The following SLCO5A1 variants were observed in gnomAD, a reference collection of about 807,000 sequenced individuals.
The protein encoded by SLCO5A1 is solute carrier organic anion transporter family member 5A1.
SLCO5A1 carries 39 observed loss-of-function variants against 65.1 expected under a neutral mutation model. That is an observed-to-expected ratio of 0.60 (90% CI 0.46 to 0.78). The LOEUF is 0.78. Among genes scored for constraint, SLCO5A1 ranks in the 30% least tolerant of loss-of-function variants. SLCO5A1 has a pLI of 0.00. For missense variants in SLCO5A1, 1,029 were observed against 1,069.4 expected (o/e 0.96, Z 0.53); for synonymous variants, 438 against 415.7 (o/e 1.05, Z -0.65).
intron 6 of SLCO5A1, among the ~76,000 whole-genome samples, chr8:69,685,508 G>A (rs1212405277): frequency 6.6e-6 from 1 of 152,212 alleles, no homozygotes; most frequent in Non-Finnish European, 1.5e-5. Context: ...TAGTCCTCCA[G>A]ATAAGAGAAT....
intron 2 of SLCO5A1, among the ~76,000 whole-genome samples, chr8:69,792,301 T>A (rs1586805026): frequency 2.0e-5 from 3 of 152,084 alleles, no homozygotes; most frequent in Non-Finnish European, 2.9e-5. Flanking sequence ...GGCAAGATCT[T>A]GAAGGACAAG....
At chr8:69,730,841 G>A (rs868099594) in intron 5 of SLCO5A1, among the ~76,000 whole-genome samples, 1 of 152,192 alleles carries the variant, frequency 6.6e-6, no homozygotes, top group Non-Finnish European at 1.5e-5. Context: ...AAGACCCCTG[G>A]AGAGCTCGGC....
At chr8:69,773,698 G>C (rs1818440526) in intron 2 of SLCO5A1, among the ~76,000 whole-genome samples, 1 of 152,108 alleles carries the variant, frequency 6.6e-6, no homozygotes. Flanking sequence ...ATTTTCCTTT[G>C]GGGGTCACCC....
chr8:69,829,316 G>A (rs1464309571), intron 2 of SLCO5A1, among the ~76,000 whole-genome samples: 1 of 152,154 alleles, frequency 6.6e-6, no homozygotes, highest in Non-Finnish European at 1.5e-5. Context: ...ATGAGGAAAT[G>A]ATCAGATACA....
chr8:69,767,850 A>T (rs1324027402), intron 2 of SLCO5A1, among the ~76,000 whole-genome samples: 3 of 134,780 alleles, frequency 2.2e-5, no homozygotes, highest in Non-Finnish European at 4.7e-5. Flanking sequence ...AGATTGTGCC[A>T]TTGCAGTCCA....
At chr8:69,787,824 G>T (rs761597169) in intron 2 of SLCO5A1, among the ~76,000 whole-genome samples, 5 of 152,140 alleles carry the variant, frequency 3.3e-5, no homozygotes, top group Non-Finnish European at 7.4e-5. Context: ...CCAGGCACTA[G>T]CTATACATGA....
rs61460420 is a variant in SLCO5A1, at chr8:69,799,145, A to G, written c.907+32622T>C. ...GAGATTTGTGTGTGTTTGTTTAATA[A>G]TAACCTGTTTCAAGTCTGAGTTTTG... On this transcript the variant is annotated intron_variant, in intron 2 of 9. Transcript: ENST00000260126. Among the ~76,000 whole-genome samples the G allele has an allele frequency of 2.1e-3, 319 of 152,346 alleles. 2 individuals are homozygous for G. The highest frequency in any genetic ancestry group is 7.4e-3 in the African/African-American group (307 of 41,580).
intron 2 of SLCO5A1, among the ~76,000 whole-genome samples, chr8:69,807,525 C>T (rs1187058713): frequency 6.6e-6 from 1 of 152,156 alleles, no homozygotes; most frequent in Non-Finnish European, 1.5e-5. Flanking sequence ...GGCCCTCTCC[C>T]GCACAGCCTC....
intron 6 of SLCO5A1, among the ~76,000 whole-genome samples, chr8:69,684,964 G>A (rs565328721): frequency 6.6e-6 from 1 of 152,298 alleles, no homozygotes; most frequent in Admixed American, 6.5e-5. Flanking sequence ...GTTCAAGGAG[G>A]CAAAAAGCTT....
At chr8:69,791,000 A>G (rs1048286981) in intron 2 of SLCO5A1, among the ~76,000 whole-genome samples, 1 of 152,178 alleles carries the variant, frequency 6.6e-6, no homozygotes, top group East Asian at 1.9e-4. Flanking sequence ...ATTCCCTTCC[A>G]ATGTTACTTA....
chr8:69,718,818 A>G (rs755315291), intron 5 of SLCO5A1, among the ~76,000 whole-genome samples: 11 of 152,242 alleles, frequency 7.2e-5, no homozygotes, highest in Non-Finnish European at 1.3e-4. Flanking sequence ...TGGGAAACAG[A>G]CAAACCAATA....
chr8:69,832,005 C>G lies in SLCO5A1; in HGVS notation c.669G>C (p.Gln223His). The change falls in exon 2 of 10, where the codon CAG becomes CAC. Residue 223 changes from glutamine to histidine, a missense_variant. Gln to His is a conservative substitution (Grantham distance 24). This residue lies in a region of SLCO5A1 where 647 missense variants were observed against 647.5 expected (regional missense o/e 1.00). Coordinates refer to ENST00000260126, the MANE Select transcript of SLCO5A1 (RefSeq NM_030958.3). The surrounding 1 kb of genome is among the most constrained non-coding windows in gnomAD (Gnocchi z 4.5). The stretch of plus-strand genomic sequence containing the variant: ...GGGCCGAGGCGTTCAACTCTTGGAT[C>G]TGGTAGGGGGGCGAGATGAAGTGAG... Reference protein sequence around the residue: ...ALPHFISPPYQIQELNASAPN... With the variant: ...ALPHFISPPYHIQELNASAPN... 6.3e-7 allele frequency: 1 copy of G among 1,598,250 alleles called. No homozygotes were observed. The highest frequency in any genetic ancestry group is 8.5e-7 in the Non-Finnish European group (1 of 1,172,786).
chr8:69,811,077 T>C (rs375369589), intron 2 of SLCO5A1, among the ~76,000 whole-genome samples: 3 of 152,140 alleles, frequency 2.0e-5, no homozygotes, highest in African/African-American at 7.2e-5. Flanking sequence ...TGAGCCAACG[T>C]CTCAGCAGGC....
chr8:69,807,628 G>A (rs533084593), intron 2 of SLCO5A1, among the ~76,000 whole-genome samples: 1 of 152,216 alleles, frequency 6.6e-6, no homozygotes, highest in East Asian at 1.9e-4. Context: ...CTCTTTACCT[G>A]GCTTATTTCA....
In SLCO5A1 at chr8:69,685,407, T is replaced by A. The variant is rs548040455; in HGVS notation, c.1623-3064A>T. Among the ~76,000 whole-genome samples the A allele has an allele frequency of 2.6e-5, 4 of 152,304 alleles. No homozygotes were observed. The East Asian group carries it at 5.8e-4, about 22-fold the overall frequency. On this transcript the variant is annotated intron_variant, in intron 6 of 9. Coordinates refer to ENST00000260126, the MANE Select transcript of SLCO5A1 (RefSeq NM_030958.3). ...GACTATTTACTGAAGGCTGCCCTCA[T>A]CCTTGTGCAAAAGGACTGTGCAGCA...
At chr8:69,695,963 T>C (rs911354967) in intron 6 of SLCO5A1, among the ~76,000 whole-genome samples, 3 of 152,228 alleles carry the variant, frequency 2.0e-5, no homozygotes, top group Admixed American at 1.3e-4. Context: ...GCCACCATCA[T>C]GGGCATGAGA....
chr8:69,673,740 T>C (rs779448300), intron 9 of SLCO5A1, among the ~76,000 whole-genome samples: 6 of 152,194 alleles, frequency 3.9e-5, no homozygotes, highest in Non-Finnish European at 8.8e-5. Flanking sequence ...GAACCCTTTA[T>C]TACCCACCAA....
intron 2 of SLCO5A1, among the ~76,000 whole-genome samples, chr8:69,790,699 G>T (rs1476120011): frequency 6.6e-6 from 1 of 152,094 alleles, no homozygotes; most frequent in Non-Finnish European, 1.5e-5. Flanking sequence ...TGTGATACGT[G>T]CACACATCAG....
At chr8:69,784,811 A>AAAGAAAGAAAGAAAG (rs1554620799) in intron 2 of SLCO5A1, among the ~76,000 whole-genome samples, 1 of 70,930 alleles carries the variant, frequency 1.4e-5, no homozygotes, top group Admixed American at 1.6e-4. Flanking sequence ...GAAAGAAAGA[A>AAAGAAAGAAAGAAAG]AAAGAAAGAA....
Sources: gnomAD v4.1 joint callset for allele counts (sites outside exome capture counted in the v4.1 genomes callset) on GRCh38, gnomAD v4.1.1 for gene constraint, gnomAD v4.1.1 regional missense constraint, Gnocchi (gnomAD v3.1) non-coding constraint, MANE v1.5 for transcripts, NCBI Gene and HGNC (gene_info 2026-07-23, HGNC 2026-07-21) for gene names.